The following CROCC variants were observed in gnomAD, a reference collection of about 807,000 sequenced individuals.
CROCC encodes rootletin.
A neutral mutation model predicts 245.2 loss-of-function variants in CROCC; 180 were observed. That is an observed-to-expected ratio of 0.73 (90% CI 0.65 to 0.83). CROCC has a LOEUF of 0.83. Among genes scored for constraint, CROCC ranks in the 40% least tolerant of loss-of-function variants. CROCC has a pLI of 0.00. For synonymous variants in CROCC, 1,205 were observed against 1,241.6 expected (o/e 0.97, Z 0.62); for missense variants, 2,688 against 2,779.4 (o/e 0.97, Z 0.74).
intron 27 of CROCC, 88 bp from the exon 28 acceptor site, chr1:16,965,635 T>G (rs1345333507): frequency 3.1e-6 from 3 of 968,806 alleles, no homozygotes; most frequent in Non-Finnish European, 4.8e-6. Context: ...TTCTGAGGGC[T>G]GTTGGGAAAG....
At chr1:16,947,037 A>G in intron 17 of CROCC, 46 bp downstream of exon 17, 2 of 1,490,272 alleles carry the variant, frequency 1.3e-6, no homozygotes, top group Non-Finnish European at 9.1e-7. Flanking sequence ...CATGTGGGGC[A>G]GGCCGGGCTC....
chr1:16,972,281 C>T, intron 36 of CROCC, 79 bp from the exon 37 acceptor site: 6 of 1,123,196 alleles, frequency 5.3e-6, no homozygotes, highest in South Asian at 1.2e-5. Context: ...CACTGTGTCC[C>T]TCCGGGTTCC....
At chr1:16,921,634 G>A (rs1223785170), upstream of CROCC, among the ~76,000 whole-genome samples, 2 of 152,276 alleles carry the variant, frequency 1.3e-5, no homozygotes, top group Non-Finnish European at 2.9e-5. Context: ...CCACCCCCTG[G>A]GCTTGGAGGG....
At chr1:16,940,953 T>C (rs1489091819) in intron 13 of CROCC, 7 of 393,370 alleles carry the variant, frequency 1.8e-5, no homozygotes, top group Non-Finnish European at 3.1e-5. Flanking sequence ...CTCACCACCC[T>C]CTGAGCCCTC....
At chr1:16,918,758 A>G (rs1337718700), upstream of CROCC, among the ~76,000 whole-genome samples, 1 of 123,502 alleles carries the variant, frequency 8.1e-6, no homozygotes, top group Non-Finnish European at 1.7e-5. Context: ...TTTTTTTGAG[A>G]CAGAGTCTCT....
At chr1:16,944,469 C>A (rs1264648660) in intron 14 of CROCC, among the ~76,000 whole-genome samples, 187 bp downstream of exon 14, 4 of 152,282 alleles carry the variant, frequency 2.6e-5, no homozygotes, top group Non-Finnish European at 5.9e-5. Flanking sequence ...TAGTCACTTA[C>A]CTGGAGTCAG....
At chr1:16,955,915 G>C (rs1214051017) in intron 24 of CROCC, 82 bp from the exon 25 acceptor site, 14 of 1,509,050 alleles carry the variant, frequency 9.3e-6, no homozygotes, top group Non-Finnish European at 1.1e-5. Context: ...ATCCACTCCA[G>C]AAATTGGAGG....
chr1:16,963,539 G>A (rs2076367885), intron 27 of CROCC, among the ~76,000 whole-genome samples: 1 of 152,196 alleles, frequency 6.6e-6, no homozygotes, highest in African/African-American at 2.4e-5. Context: ...TCTGAGCGAG[G>A]CCTTTTGGGT....
chr1:16,952,814 G>A lies in CROCC; in HGVS notation c.3007-488G>A, dbSNP rs761740542. 5.9e-5 allele frequency among the ~76,000 whole-genome samples: 9 copies of A among 152,054 alleles called. No individual in the cohort carries two copies. The East Asian group carries it at 7.7e-4, about 13-fold the overall frequency. Reference sequence around the variant, plus strand: ...CCCCAATCCCTCTTCCACAGCTGTCGGAACATCCCCTAAGCTAAAAATCAG... The same window carrying A: ...CCCCAATCCCTCTTCCACAGCTGTCAGAACATCCCCTAAGCTAAAAATCAG... On this transcript the variant is annotated intron_variant, in intron 20 of 36. Coordinates refer to ENST00000375541, the MANE Select transcript of CROCC (RefSeq NM_014675.5).
chr1:16,959,183 C>T lies in CROCC; in HGVS notation c.4032+433C>T, dbSNP rs556867732. Among the ~76,000 whole-genome samples the T allele has an allele frequency of 1.4e-4, 21 of 152,262 alleles. No homozygotes were observed. The East Asian group carries it at 2.5e-3, about 18-fold the overall frequency. ...GATTACAGGTGCTTGCCACCACGCC[C>T]AGCTAATTTTTTGTATTTTTAGTAG... On this transcript the variant is annotated intron_variant, in intron 26 of 36. Transcript: ENST00000375541.
chr1:16,965,727 C>G lies in CROCC; in HGVS notation c.4410C>G (p.Ser1470Arg), dbSNP rs375946314. 1 of 1,603,812 alleles carries G rather than the reference C, an allele frequency of 6.2e-7. No homozygotes were observed. Among genetic ancestry groups the G allele is most frequent in the East Asian group, 2.2e-5 (1 of 44,822 alleles). The change falls in exon 28 of 37, where the codon AGC (serine) becomes AGG (arginine). Residue 1470 changes from serine (S) to arginine (R), a missense_variant. This residue lies in a region of CROCC where 1,218 missense variants were observed against 1,286.3 expected (regional missense o/e 0.95). Transcript: ENST00000375541. ...SPARDAPAEG[S>R]GEGLNSPSTL... is the part of the protein sequence containing the mutation. ...CAAGTCTTCTTTCTCTTCTAGGAAG[C>G]GGGGAAGGGCTCAACAGCCCCAGCA...
chr1:16,930,697 A>G, intron 7 of CROCC, 103 bp downstream of exon 7: 2 of 1,356,798 alleles, frequency 1.5e-6, no homozygotes, highest in South Asian at 1.4e-5. Context: ...GCACTGTCCA[A>G]GGGAGCCTGT....
intron 1 of CROCC, among the ~76,000 whole-genome samples, chr1:16,916,300 G>T (rs1351628256): frequency 6.6e-6 from 1 of 152,288 alleles, no homozygotes; most frequent in African/African-American, 2.4e-5. Flanking sequence ...TTTTAGGTGT[G>T]GTAAGGGCTA....
chr1:16,965,129 AT>A (rs2076397471), intron 27 of CROCC, among the ~76,000 whole-genome samples: 1 of 152,240 alleles, frequency 6.6e-6, no homozygotes, highest in Non-Finnish European at 1.5e-5. Flanking sequence ...GAACAAGCAA[AT>A]CACTTAACTG....
At position 16,966,391 on chromosome 1, in the gene CROCC, G is replaced by C; in HGVS notation, c.4697-17G>C. The C allele has an allele frequency of 6.6e-7, 1 of 1,509,086 alleles. No homozygotes were observed. Among genetic ancestry groups the C allele is most frequent in the Non-Finnish European group, 8.8e-7 (1 of 1,129,984 alleles). The allele number at this position is 1,509,086 out of a possible 1,614,324, so 93.5% of individuals were successfully genotyped here. ...GCTGTGCTTGGCCATGCCTGACGGG[G>C]TGGGTGGTGGCTACAGCCCGGCGCA... On this transcript the variant is annotated splice_polypyrimidine_tract_variant and intron_variant, in intron 29 of 36. Transcript: ENST00000375541. This position sits in a 1 kb window ranked among gnomAD's most constrained non-coding sequence, Gnocchi z 4.8.
At chr1:16,937,268 G>A (rs1442849179) in intron 9 of CROCC, among the ~76,000 whole-genome samples, 12 of 152,052 alleles carry the variant, frequency 7.9e-5, no homozygotes, top group African/African-American at 2.4e-4. Context: ...CAGGAGAATC[G>A]CTTGAACCCA....
At position 16,969,121 on chromosome 1, in the gene CROCC, C is replaced by T. The variant is rs376217752; in HGVS notation, c.5082C>T (p.Ala1694=). 47 of 1,598,286 alleles carry T rather than the reference C, an allele frequency of 2.9e-5. No individual in the cohort carries two copies. Among genetic ancestry groups the T allele is most frequent in the Non-Finnish European group, 3.4e-5 (40 of 1,173,314 alleles). ...DRVDSLQRQV[A]DSEVKAGTLQ... The stretch of plus-strand genomic sequence containing the variant: ...TCTGGCTGTCCTCCTGCCAGGTGGC[C>T]GACAGCGAGGTGAAGGCAGGGACCC... The change falls in exon 32 of 37, where the codon GCC becomes GCT. Residue 1694 remains alanine (A), a synonymous_variant. Coordinates refer to ENST00000375541, the MANE Select transcript of CROCC (RefSeq NM_014675.5).
At chr1:16,921,705 C>T (rs149484134), upstream of CROCC, among the ~76,000 whole-genome samples, 562 of 152,222 alleles carry the variant, frequency 3.7e-3, no homozygotes, top group Non-Finnish European at 5.9e-3. Flanking sequence ...CTCCAGGTGT[C>T]TCCCCTGTTT....
At chr1:16,958,029 G>A (rs942103344) in intron 25 of CROCC, among the ~76,000 whole-genome samples, 2 of 152,150 alleles carry the variant, frequency 1.3e-5, no homozygotes, top group Non-Finnish European at 2.9e-5. Flanking sequence ...TAGGGGCTTA[G>A]AACATTGCCG....
Sources: allele counts gnomAD v4.1 joint callset (sites outside exome capture counted in the v4.1 genomes callset), GRCh38; gene constraint gnomAD v4.1.1; regional missense constraint gnomAD v4.1.1; non-coding constraint Gnocchi (gnomAD v3.1); transcripts MANE v1.5; gene names NCBI Gene and HGNC (gene_info 2026-07-23, HGNC 2026-07-21).